The following CDH19 variants were observed in gnomAD, a reference collection of about 807,000 sequenced individuals.
The protein encoded by CDH19 is cadherin 19, also known as cadherin-19.
A neutral mutation model predicts 64.2 loss-of-function variants in CDH19; 67 were observed. The observed-to-expected ratio is 1.04, with a 90% confidence interval of 0.86 to 1.28. The LOEUF is 1.28. Among genes scored for constraint, CDH19 ranks in the 50% most tolerant of loss-of-function variants. The pLI, the probability that CDH19 is intolerant of heterozygous loss-of-function variation, is 0.00. For synonymous variants in CDH19, 346 were observed against 319.3 expected, an observed-to-expected ratio of 1.08 and a Z score of -0.89; for missense variants, 1,030 against 929.0, an observed-to-expected ratio of 1.11 and a Z score of -1.41.
At chr18:66,562,857 T>A (rs1360743085) in intron 3 of CDH19, among the ~76,000 whole-genome samples, 1 of 152,096 alleles carries the variant, frequency 6.6e-6, no homozygotes, top group Admixed American at 6.6e-5. Context: ...AAAGCATCAA[T>A]AATAATTTAT....
intron 1 of CDH19, among the ~76,000 whole-genome samples, chr18:66,601,275 G>A (rs1247589991): frequency 2.6e-5 from 4 of 151,740 alleles, no homozygotes; most frequent in African/African-American, 9.7e-5. Context: ...AAAAAATAGC[G>A]ACTTCTTTTC....
Position 66,503,196 on chromosome 18 carries a change from A to G in CDH19, c.*1616T>C, listed in dbSNP as rs1948510181. The G allele has an allele frequency of 6.6e-6, 1 of 151,846 alleles. No individual in the cohort carries two copies. The highest frequency in any genetic ancestry group is 2.4e-5 in the African/African-American group (1 of 41,426). The allele number at this position is 151,846 out of a possible 1,614,324, so 9.4% of individuals were successfully genotyped here. A position where few individuals can be genotyped will look rare whatever the true frequency, so the allele number is the denominator to read the frequency against. ...TACCTTGATTTGGATAGAATAATAA[A>G]GATCATTCTTAAAAGGTCGATTAAA... On this transcript the variant is annotated 3_prime_UTR_variant, in exon 12 of 12. Transcript: ENST00000262150.
chr18:66,586,564 A>C (rs79487490), intron 1 of CDH19, among the ~76,000 whole-genome samples: 4,031 of 152,020 alleles, frequency 0.027, 193 homozygotes, highest in African/African-American at 0.091. Flanking sequence ...AAAAGAAGGA[A>C]GCCACAAAGT....
rs3829618 is a variant in CDH19 at position 66,567,983 on chromosome 18, T to C, written c.490+433A>G. On this transcript the variant is annotated intron_variant, in intron 3 of 11. Transcript: ENST00000262150. ...CAACCACTTAGTTTTGTCTTAGTGG[T>C]TTTTTCTTCATGATTTTGATGTATA... is the stretch of plus-strand genomic sequence containing the variant. Among the ~76,000 whole-genome samples, 130 of 151,818 alleles carry C rather than the reference T, an allele frequency of 8.6e-4. 2 individuals are homozygous for C. In the East Asian group the frequency reaches 0.024, roughly 28 times the overall value.
At position 66,502,117 on chromosome 18, in the gene CDH19, G is replaced by C. The variant is rs1984970616; in HGVS notation, c.*2695C>G. ...AATGCCTTTTTAGTTTAAGAGCTGT[G>C]TTCTTGCAACACCCATGTGATGCAA... is the stretch of plus-strand genomic sequence containing the variant. On this transcript the variant is annotated 3_prime_UTR_variant, in exon 12 of 12. Coordinates refer to ENST00000262150, the MANE Select transcript of CDH19 (RefSeq NM_021153.4). 1 of 152,024 alleles carries C rather than the reference G, an allele frequency of 6.6e-6. No homozygotes were observed. Among genetic ancestry groups the C allele is most frequent in the Admixed American group, 6.6e-5 (1 of 15,234 alleles). The allele number at this position is 152,024 out of a possible 1,614,324, so 9.4% of individuals were successfully genotyped here.
intron 2 of CDH19, among the ~76,000 whole-genome samples, chr18:66,569,367 C>CATAT (rs1202545248): frequency 6.6e-6 from 1 of 151,474 alleles, no homozygotes; most frequent in African/African-American, 2.4e-5. Flanking sequence ...TTTTCAGAGT[C>CATAT]ATATGGTCTT....
intron 8 of CDH19, 126 bp downstream of exon 8, chr18:66,534,860 T>G (rs1401025188): frequency 1.8e-6 from 1 of 570,676 alleles, no homozygotes; most frequent in Non-Finnish European, 2.8e-6. Context: ...GTACACACAT[T>G]TACATTGAAT....
chr18:66,504,596 C>A lies in CDH19; in HGVS notation c.*216G>T. 1 of 457,172 alleles carries A rather than the reference C, an allele frequency of 2.2e-6. No individual in the cohort carries two copies. 28.3% of individuals were successfully genotyped at this position (457,172 alleles called of 1,614,324 possible). On this transcript the variant is annotated 3_prime_UTR_variant, in exon 12 of 12. Transcript: ENST00000262150. ...TACTTCAAATCTGGTTGTATTGATGCCTGTGAGCTGATTGTTTACATTTCT... is the reference window on the plus strand; with the variant it reads ...TACTTCAAATCTGGTTGTATTGATGACTGTGAGCTGATTGTTTACATTTCT...
At position 66,505,195 on chromosome 18, in the gene CDH19, C is replaced by G. The variant is rs201955048; in HGVS notation, c.1936G>C (p.Gly646Arg). Residue 646 changes from glycine (G) to arginine (R), a missense_variant, in exon 12 of 12, where the codon GGT (glycine) becomes CGT (arginine). Physicochemically the swap from Gly to Arg is moderately radical, Grantham distance 125. Transcript: ENST00000262150. ...ENIFQYDDEG[G>R]GEEDTEAFDI... is the part of the protein sequence containing the mutation. ...AAGGCCTCTGTATCTTCTTCTCCAC[C>G]CCCTTCATCATCATATTGGAATATA... is the stretch of plus-strand genomic sequence containing the variant. 6.2e-7 allele frequency: 1 copy of G among 1,613,078 alleles called. No homozygotes were observed. Among genetic ancestry groups the G allele is most frequent in the South Asian group, 1.1e-5 (1 of 91,026 alleles).
chr18:66,579,799 T>C (rs1988372261), intron 1 of CDH19, among the ~76,000 whole-genome samples: 1 of 152,052 alleles, frequency 6.6e-6, no homozygotes, highest in African/African-American at 2.4e-5. Flanking sequence ...AGATGAGCAA[T>C]AGATGATAAT....
chr18:66,571,976 G>A, intron 2 of CDH19, 34 bp downstream of exon 2: 1 of 1,444,306 alleles, frequency 6.9e-7, no homozygotes, highest in South Asian at 1.2e-5. Context: ...ACATTGTTGT[G>A]CTATTTACTG....
At chr18:66,518,532 C>A (rs1169658977) in intron 9 of CDH19, among the ~76,000 whole-genome samples, 3 of 152,014 alleles carry the variant, frequency 2.0e-5, no homozygotes, top group African/African-American at 7.3e-5. Flanking sequence ...CTGTGTCCCA[C>A]CTAGGTTTAC....
chr18:66,521,916 CTGT>C (rs201747306), intron 9 of CDH19, among the ~76,000 whole-genome samples: 20,711 of 111,020 alleles, frequency 0.19, 1,513 homozygotes, highest in Middle Eastern at 0.26. Flanking sequence ...GTTACTTGTT[CTGT>C]TGTTGTTGTT....
At chr18:66,584,238 C>A (rs1943311) in intron 1 of CDH19, among the ~76,000 whole-genome samples, 51,512 of 151,806 alleles carry the variant, frequency 0.34, 9,558 homozygotes, top group South Asian at 0.48. Flanking sequence ...CCAACAAGCA[C>A]ATGACAAAAA....
rs74173408 is a variant in CDH19 at position 66,524,542 on chromosome 18, G to GTGTATATATATATATA, written c.1458+5302_1458+5303insTATATATATATATACA. Among the ~76,000 whole-genome samples the GTGTATATATATATATA allele has an allele frequency of 2.5e-4, 24 of 94,572 alleles. No homozygotes were observed. In the East Asian group the frequency reaches 6.1e-3, roughly 24 times the overall value. The allele number at this position is 94,572 out of a possible 152,430, so 62.0% of individuals were successfully genotyped here. On this transcript the variant is annotated intron_variant, in intron 9 of 11. Coordinates refer to ENST00000262150, the MANE Select transcript of CDH19 (RefSeq NM_021153.4). The stretch of plus-strand genomic sequence containing the variant: ...ACAATATATGCGTGTATGTTTGTGT[G>GTGTATATATATATATA]TATATATATATATATATATATATAT...
At chr18:66,531,038 A>G (rs964744602) in intron 8 of CDH19, among the ~76,000 whole-genome samples, 1 of 152,078 alleles carries the variant, frequency 6.6e-6, no homozygotes, top group Non-Finnish European at 1.5e-5. Flanking sequence ...TTTTTGTCAT[A>G]TGCGATAGAA....
rs546064582 is a variant in CDH19, at chr18:66,575,875, G to T, written c.-112-3559C>A. On this transcript the variant is annotated intron_variant, in intron 1 of 11. Coordinates refer to ENST00000262150, the MANE Select transcript of CDH19 (RefSeq NM_021153.4). Reference sequence around the variant, plus strand: ...AAAGCAAAAATAATAACAAAGTATTGTGGAGCATACATCATTTACAGAAGT... The same window carrying T: ...AAAGCAAAAATAATAACAAAGTATTTTGGAGCATACATCATTTACAGAAGT... 4.6e-5 allele frequency among the ~76,000 whole-genome samples: 7 copies of T among 151,874 alleles called. No homozygotes were observed. In the South Asian group the frequency reaches 1.5e-3, roughly 31 times the overall value.
At chr18:66,549,668 A>G (rs1280430164) in intron 5 of CDH19, among the ~76,000 whole-genome samples, 1 of 152,178 alleles carries the variant, frequency 6.6e-6, no homozygotes, top group African/African-American at 2.4e-5. Flanking sequence ...TGTGAGATAG[A>G]GCAGAAATTA....
chr18:66,585,385 A>C (rs1988546779), intron 1 of CDH19, among the ~76,000 whole-genome samples: 1 of 152,096 alleles, frequency 6.6e-6, no homozygotes, highest in African/African-American at 2.4e-5. Context: ...TAAGAGTAGC[A>C]CATGTGGAGC....
Sources: allele counts gnomAD v4.1 joint callset (sites outside exome capture counted in the v4.1 genomes callset), GRCh38; gene constraint gnomAD v4.1.1; transcripts MANE v1.5; gene names NCBI Gene and HGNC (gene_info 2026-07-23, HGNC 2026-07-21).